Variants in RBMS1 observed in about 807,000 individuals in gnomAD.
RBMS1 encodes RNA binding motif single stranded interacting protein 1.
A neutral mutation model predicts 62.3 loss-of-function variants in RBMS1; 17 were observed. That is an observed-to-expected ratio of 0.27 (90% confidence interval 0.19 to 0.41). The LOEUF (loss-of-function observed/expected upper bound fraction) is 0.41, where lower values mean the gene tolerates loss of function less well. Among genes scored for constraint, RBMS1 ranks in the 10% least tolerant of loss-of-function variants. RBMS1 has a pLI of 1.00. For missense variants in RBMS1, 334 were observed against 504.5 expected (o/e 0.66, Z 3.24); for synonymous variants, 172 against 170.0 (o/e 1.01, Z -0.09).
chr2:160,312,822 A>T (rs6714176), intron 4 of RBMS1, among the ~76,000 whole-genome samples: 35,784 of 124,848 alleles, frequency 0.29, 4,637 homozygotes, highest in Admixed American at 0.43. Flanking sequence ...ATTTAAATTT[A>T]AAAAAAAAAA....
chr2:160,337,135 C>CTTTTTTTTTTTTTTTTTT (rs768216149), intron 2 of RBMS1, among the ~76,000 whole-genome samples: 1 of 136,400 alleles, frequency 7.3e-6, no homozygotes. Flanking sequence ...TTTTTCTTTT[C>CTTTTTTTTTTTTTTTTTT]TTTTTTTTTT....
At chr2:160,369,503 G>T (rs1379296618) in intron 1 of RBMS1, among the ~76,000 whole-genome samples, 1 of 152,218 alleles carries the variant, frequency 6.6e-6, no homozygotes, top group East Asian at 1.9e-4. Context: ...TTGACGCAGA[G>T]AACTTGTAGC....
chr2:160,324,783 G>A (rs961571247), intron 2 of RBMS1, among the ~76,000 whole-genome samples: 13 of 150,760 alleles, frequency 8.6e-5, no homozygotes, highest in African/African-American at 2.9e-4. Flanking sequence ...TTATGACCTC[G>A]TGAGTTAATT....
chr2:160,279,023 G>T, intron 10 of RBMS1: 2 of 167,728 alleles, frequency 1.2e-5, no homozygotes, highest in South Asian at 1.7e-4. Flanking sequence ...GCCTGCCTAG[G>T]GTTACAAAAC....
At chr2:160,358,326 A>G (rs1364712823) in intron 2 of RBMS1, among the ~76,000 whole-genome samples, 2 of 152,184 alleles carry the variant, frequency 1.3e-5, no homozygotes, top group African/African-American at 4.8e-5. Flanking sequence ...TTGACTTAGC[A>G]GATTGGCATT....
intron 1 of RBMS1, among the ~76,000 whole-genome samples, chr2:160,384,083 G>A (rs1366296119): frequency 6.6e-6 from 1 of 152,218 alleles, no homozygotes; most frequent in African/African-American, 2.4e-5. Flanking sequence ...TGTAGTCCCA[G>A]CTACTAGGGA....
At chr2:160,403,032 T>A (rs1354349720) in intron 1 of RBMS1, among the ~76,000 whole-genome samples, 1 of 152,188 alleles carries the variant, frequency 6.6e-6, no homozygotes, top group Non-Finnish European at 1.5e-5. Context: ...ACTAGAAGTA[T>A]GTTCAAAACC....
In RBMS1 at chr2:160,275,647, G is replaced by A. The variant is rs1337419380; in HGVS notation, c.1211C>T (p.Pro404Leu). The A allele has an allele frequency of 6.2e-7, 1 of 1,613,510 alleles. No homozygotes were observed. The highest frequency in any genetic ancestry group is 1.7e-5 in the Admixed American group (1 of 60,020). Residue 404 changes from proline to leucine, a missense_variant, in exon 13 of 14, where the codon CCT becomes CTT. This residue lies in a region of RBMS1 where 182 missense variants were observed against 257.7 expected (regional missense o/e 0.71). Coordinates refer to ENST00000348849, the MANE Select transcript of RBMS1 (RefSeq NM_016836.4). ...SNDHSPYTFQ[P>L]NK ...CCTCATACCTCACAGTTACTTATTA[G>A]GTTGAAAGGTATATGGAGAATGGTC...
intron 6 of RBMS1, among the ~76,000 whole-genome samples, chr2:160,288,051 A>AG (rs1189346136): frequency 6.6e-6 from 1 of 151,718 alleles, no homozygotes; most frequent in Non-Finnish European, 1.5e-5. Flanking sequence ...AGTTAAAAAA[A>AG]AAAAAAAGTC....
In RBMS1 at chr2:160,460,837, G is replaced by A. The variant is rs1429307188; in HGVS notation, c.75+32452C>T. Among the ~76,000 whole-genome samples the A allele has an allele frequency of 7.9e-5, 12 of 152,282 alleles. No homozygotes were observed. In the South Asian group the frequency reaches 1.2e-3, roughly 16 times the overall value. ...TCCCTAAGCTCTGTGAGAAACATCC[G>A]TGCCCTCAACCTCCCTTTTCCTATG... On this transcript the variant is annotated intron_variant, in intron 1 of 13. Transcript: ENST00000348849.
intron 7 of RBMS1, 35 bp downstream of exon 7, chr2:160,286,934 T>TCCCCCCC: frequency 2.6e-6 from 4 of 1,514,196 alleles, no homozygotes; most frequent in South Asian, 1.2e-5. Context: ...TCACACCCCC[T>TCCCCCCC]CCCCCACCCC....
intron 2 of RBMS1, among the ~76,000 whole-genome samples, chr2:160,361,315 T>C (rs971555298): frequency 6.6e-6 from 1 of 152,188 alleles, no homozygotes; most frequent in South Asian, 2.1e-4. Context: ...CCACTACAAA[T>C]CAGGGAGAGC....
intron 1 of RBMS1, among the ~76,000 whole-genome samples, chr2:160,449,414 G>C (rs549671526): frequency 2.6e-5 from 4 of 152,248 alleles, no homozygotes; most frequent in Non-Finnish European, 5.9e-5. Flanking sequence ...AAGAAAGAGA[G>C]ATCAGATTGT....
intron 1 of RBMS1, among the ~76,000 whole-genome samples, chr2:160,464,555 AAAG>A (rs1315623122): frequency 5.3e-5 from 8 of 152,194 alleles, no homozygotes; most frequent in Non-Finnish European, 1.0e-4. Flanking sequence ...TAAAAAGAAA[AAAG>A]GAGGTAAAGC....
chr2:160,396,489 C>T (rs1451315440), intron 1 of RBMS1, among the ~76,000 whole-genome samples: 1 of 150,534 alleles, frequency 6.6e-6, no homozygotes, highest in Non-Finnish European at 1.5e-5. Context: ...GCTTTTACCT[C>T]AGAACTTCCT....
intron 1 of RBMS1, among the ~76,000 whole-genome samples, chr2:160,384,287 T>C (rs921162805): frequency 1.3e-5 from 2 of 152,202 alleles, no homozygotes; most frequent in Non-Finnish European, 2.9e-5. Flanking sequence ...ATTTTACCTA[T>C]AGCATAGAGA....
chr2:160,307,164 C>T (rs1199003934), intron 4 of RBMS1, among the ~76,000 whole-genome samples: 2 of 151,964 alleles, frequency 1.3e-5, no homozygotes, highest in Non-Finnish European at 2.9e-5. Flanking sequence ...CCTCCCCGTG[C>T]GTGTGGAATG....
chr2:160,345,957 T>G (rs1692151084), intron 2 of RBMS1, among the ~76,000 whole-genome samples: 1 of 152,132 alleles, frequency 6.6e-6, no homozygotes, highest in South Asian at 2.1e-4. Context: ...CTGTTCAGAG[T>G]GAAGGAGCGT....
intron 1 of RBMS1, among the ~76,000 whole-genome samples, chr2:160,409,200 T>A (rs1695920596): frequency 6.6e-6 from 1 of 151,712 alleles, no homozygotes; most frequent in South Asian, 2.1e-4. Context: ...CTTCCAACAT[T>A]CTCCAGCCAG....
Sources: allele counts gnomAD v4.1 joint callset (sites outside exome capture counted in the v4.1 genomes callset), GRCh38; gene constraint gnomAD v4.1.1; regional missense constraint gnomAD v4.1.1; transcripts MANE v1.5; gene names NCBI Gene and HGNC (gene_info 2026-07-23, HGNC 2026-07-21).